ZNF528: variants seen among roughly 807,000 people sequenced by gnomAD.
ZNF528 encodes zinc finger protein 528.
In ZNF528, 9 loss-of-function variants were observed where a neutral mutation model predicts 13.3. That is an observed-to-expected ratio of 0.67 (90% confidence interval 0.41 to 1.18). The LOEUF is 1.18. ZNF528 is among the 50% of genes most tolerant of loss of function. The pLI is 0.01. For synonymous variants in ZNF528, 264 were observed against 254.3 expected, an observed-to-expected ratio of 1.04 and a Z score of -0.36; for missense variants, 858 against 745.4, an observed-to-expected ratio of 1.15 and a Z score of -1.76.
At chr19:52,408,763 C>T (rs1387102180) in intron 6 of ZNF528, among the ~76,000 whole-genome samples, 1 of 151,848 alleles carries the variant, frequency 6.6e-6, no homozygotes, top group Non-Finnish European at 1.5e-5. Flanking sequence ...AACGGGGTTT[C>T]ACCATGTTGG....
intron 6 of ZNF528, chr19:52,414,292 T>C: frequency 1.4e-6 from 1 of 702,528 alleles, no homozygotes; most frequent in Non-Finnish European, 2.6e-6. Context: ...GAGTCCCTCT[T>C]CTGGGTCACC....
rs760402107 is a variant in ZNF528 at position 52,417,749 on chromosome 19, T to C, written c.*1010T>C. ...CTTCTGCCTTAGCCTCCTAAGTAGC[T>C]GAGACTACAGACGTGCGCCACCACA... On this transcript the variant is annotated 3_prime_UTR_variant, in exon 7 of 7. Coordinates refer to ENST00000360465, the MANE Select transcript of ZNF528 (RefSeq NM_032423.3). The C allele has an allele frequency of 6.6e-6, 1 of 152,010 alleles. No individual in the cohort carries two copies. Among genetic ancestry groups the C allele is most frequent in the Non-Finnish European group, 1.5e-5 (1 of 68,082 alleles). The allele number at this position is 152,010 out of a possible 1,614,324, so 9.4% of individuals were successfully genotyped here.
Position 52,406,487 on chromosome 19 carries a change from A to G in ZNF528, c.143-28A>G. On this transcript the variant is annotated intron_variant, in intron 5 of 6. Transcript: ENST00000360465. ...GCTTGGACTTGGGAGATGCCACAGC[A>G]CACATTTATTCTTTCTTTTATAAAT... 3.7e-6 allele frequency: 6 copies of G among 1,608,022 alleles called. No homozygotes were observed. The South Asian group carries it at 5.6e-5, about 15-fold the overall frequency.
At position 52,418,222 on chromosome 19, in the gene ZNF528, C is replaced by G. The variant is rs532916826; in HGVS notation, c.*1483C>G. ...CTGGTCTCAAACTCCTGACCTCAGG[C>G]GATCCATCTGCCTCAGCCTGAAAGT... On this transcript the variant is annotated 3_prime_UTR_variant, in exon 7 of 7. Transcript: ENST00000360465. The G allele has an allele frequency of 1.3e-5, 2 of 152,056 alleles. No individual in the cohort carries two copies. Among genetic ancestry groups the G allele is most frequent in the African/African-American group, 4.8e-5 (2 of 41,400 alleles). 9.4% of individuals were successfully genotyped at this position (152,056 alleles called of 1,614,324 possible). A position where few individuals can be genotyped will look rare whatever the true frequency, so the allele number is the denominator to read the frequency against.
chr19:52,416,714 C>G lies in ZNF528; in HGVS notation c.1862C>G (p.Ala621Gly). The change falls in exon 7 of 7, where the codon GCA becomes GGA. Residue 621 changes from alanine to glycine, a missense_variant. Transcript: ENST00000360465. ...SKVFSHNSDL[A>G]QHQRVHS ...GTCTTCAGTCACAATTCTGACCTTG[C>G]ACAGCATCAGAGAGTTCATTCATGA... The G allele has an allele frequency of 6.2e-7, 1 of 1,605,634 alleles. No individual in the cohort carries two copies. The highest frequency in any genetic ancestry group is 8.5e-7 in the Non-Finnish European group (1 of 1,174,378).
At position 52,415,840 on chromosome 19, in the gene ZNF528, T is replaced by G; in HGVS notation, c.988T>G (p.Cys330Gly). The G allele has an allele frequency of 1.2e-6, 2 of 1,613,976 alleles. No homozygotes were observed. The highest frequency in any genetic ancestry group is 4.5e-5 in the East Asian group (2 of 44,878). Residue 330 changes from cysteine to glycine, a missense_variant, in exon 7 of 7, where the codon TGT becomes GGT. Coordinates refer to ENST00000360465, the MANE Select transcript of ZNF528 (RefSeq NM_032423.3). Reference sequence around the variant, plus strand: ...AGAGAAACCTTACAGTTGTAATAAATGTGGCAAGGTCTTTAGTCGCCATTC... The same window carrying G: ...AGAGAAACCTTACAGTTGTAATAAAGGTGGCAAGGTCTTTAGTCGCCATTC... ...TGEKPYSCNK[C>G]GKVFSRHSYL... is the part of the protein sequence containing the mutation.
In ZNF528 at chr19:52,416,113, A is replaced by G. The variant is rs1196019655; in HGVS notation, c.1261A>G (p.Lys421Glu). ...TCAGTGTGGCAAGATCTTTAGTCAG[A>G]AATCAGACCTTATACGACATCGAAA... The part of the protein sequence containing the change: ...CSQCGKIFSQ[K>E]SDLIRHRKTH... The change falls in exon 7 of 7, where the codon AAA becomes GAA. Residue 421 changes from lysine (K) to glutamate (E), a missense_variant. By Grantham distance (56) the Lys-to-Glu change is moderately conservative. Coordinates refer to ENST00000360465, the MANE Select transcript of ZNF528 (RefSeq NM_032423.3). 3.1e-6 allele frequency: 5 copies of G among 1,613,966 alleles called. No homozygotes were observed. Among genetic ancestry groups the G allele is most frequent in the Admixed American group, 1.7e-5 (1 of 60,006 alleles).
Position 52,415,637 on chromosome 19 carries a change from T to A in ZNF528, c.785T>A (p.Ile262Asn). 1 of 1,614,180 alleles carries A rather than the reference T, an allele frequency of 6.2e-7. No individual in the cohort carries two copies. Among genetic ancestry groups the A allele is most frequent in the Non-Finnish European group, 8.5e-7 (1 of 1,180,030 alleles). Residue 262 changes from isoleucine to asparagine, a missense_variant, in exon 7 of 7, where the codon ATT (isoleucine) becomes AAT (asparagine). By Grantham distance (149) the Ile-to-Asn change is moderately radical. Coordinates refer to ENST00000360465, the MANE Select transcript of ZNF528 (RefSeq NM_032423.3). ...SNSNLSQHQRIHTGEKPYKCH... is the reference protein window; with the variant it reads ...SNSNLSQHQRNHTGEKPYKCH... ...TCAAACCTTTCACAACATCAAAGAA[T>A]TCATACTGGAGAGAAGCCTTACAAA...
At chr19:52,404,900 A>G (rs2058836419) in intron 4 of ZNF528, among the ~76,000 whole-genome samples, 1 of 151,806 alleles carries the variant, frequency 6.6e-6, no homozygotes, top group Non-Finnish European at 1.5e-5. Context: ...CACCTGGCCA[A>G]GATTTTGACC....
chr19:52,411,262 G>A (rs1440054008), intron 6 of ZNF528: 1 of 152,114 alleles, frequency 6.6e-6, no homozygotes, highest in Non-Finnish European at 1.5e-5. Flanking sequence ...CAAGAAACAG[G>A]TTCTCTATGA....
At position 52,416,111 on chromosome 19, in the gene ZNF528, A is replaced by G; in HGVS notation, c.1259A>G (p.Gln420Arg). 1.9e-6 allele frequency: 3 copies of G among 1,614,064 alleles called. No individual in the cohort carries two copies. Among genetic ancestry groups the G allele is most frequent in the Non-Finnish European group, 1.7e-6 (2 of 1,180,026 alleles). Residue 420 changes from glutamine to arginine, a missense_variant, in exon 7 of 7, where the codon CAG becomes CGG. Physicochemically the swap from Gln to Arg is conservative, Grantham distance 43 (BLOSUM62 1). Transcript: ENST00000360465. Reference protein sequence around the residue: ...GCSQCGKIFSQKSDLIRHRKT... With the variant: ...GCSQCGKIFSRKSDLIRHRKT... Reference sequence around the variant, plus strand: ...AGTCAGTGTGGCAAGATCTTTAGTCAGAAATCAGACCTTATACGACATCGA... The same window carrying G: ...AGTCAGTGTGGCAAGATCTTTAGTCGGAAATCAGACCTTATACGACATCGA...
rs894820400 is a variant in ZNF528 at position 52,416,353 on chromosome 19, G to C, written c.1501G>C (p.Val501Leu). The change falls in exon 7 of 7, where the codon GTC becomes CTC. Residue 501 changes from valine to leucine, a missense_variant. Transcript: ENST00000360465. ...TTACAAATGTAACAGATGTGGCAAG[G>C]TCTTCAGTCGCAGTTCAAACCTGGT... The part of the protein sequence containing the change: ...KPYKCNRCGK[V>L]FSRSSNLVCH... The C allele has an allele frequency of 1.2e-6, 2 of 1,614,028 alleles. No individual in the cohort carries two copies. The highest frequency in any genetic ancestry group is 2.2e-5 in the East Asian group (1 of 44,882).
chr19:52,399,232 G>T (rs2058763565), intron 2 of ZNF528, among the ~76,000 whole-genome samples: 1 of 152,108 alleles, frequency 6.6e-6, no homozygotes, highest in Non-Finnish European at 1.5e-5. Flanking sequence ...GAAAGAGGGG[G>T]ACCCTGGTTA....
intron 2 of ZNF528, among the ~76,000 whole-genome samples, chr19:52,401,188 C>T (rs2058789509): frequency 6.6e-6 from 1 of 152,028 alleles, no homozygotes; most frequent in African/African-American, 2.4e-5. Flanking sequence ...ATGTTCTCGA[C>T]ATCTCTGCTG....
At chr19:52,400,683 C>G (rs1331161036) in intron 2 of ZNF528, among the ~76,000 whole-genome samples, 1 of 151,896 alleles carries the variant, frequency 6.6e-6, no homozygotes, top group Non-Finnish European at 1.5e-5. Flanking sequence ...CTCTGCGTGG[C>G]TGATTGAAAA....
intron 6 of ZNF528, chr19:52,411,812 T>G (rs1192479005): frequency 6.6e-6 from 1 of 152,208 alleles, no homozygotes; most frequent in Non-Finnish European, 1.5e-5. Context: ...GTTACCAAAG[T>G]TTTCATTTGT....
chr19:52,410,275 C>T (rs1416571644), intron 6 of ZNF528, among the ~76,000 whole-genome samples: 1 of 152,168 alleles, frequency 6.6e-6, no homozygotes, highest in East Asian at 1.9e-4. Flanking sequence ...CAGGGGGCTC[C>T]TTGCTTCTAA....
chr19:52,398,340 C>T (rs1255017603), intron 1 of ZNF528, 27 bp from the exon 2 acceptor site: 1 of 153,184 alleles, frequency 6.5e-6, no homozygotes, highest in East Asian at 1.9e-4. Flanking sequence ...CCTTTTTGCT[C>T]CTTAATCTGG....
In ZNF528 at chr19:52,415,675, G is replaced by A; in HGVS notation, c.823G>A (p.Asp275Asn). The A allele has an allele frequency of 1.2e-6, 2 of 1,614,160 alleles. No homozygotes were observed. The highest frequency in any genetic ancestry group is 1.7e-6 in the Non-Finnish European group (2 of 1,180,018). ...GAAGCCTTACAAATGTCATGAATGT[G>A]ACAAGGTCTTTCGAAGCAGTTCAAA... The part of the protein sequence containing the change: ...GEKPYKCHEC[D>N]KVFRSSSKLA... Residue 275 changes from aspartate (D) to asparagine (N), a missense_variant, in exon 7 of 7, where the codon GAC becomes AAC. Asp to Asn is a conservative substitution (Grantham distance 23). Coordinates refer to ENST00000360465, the MANE Select transcript of ZNF528 (RefSeq NM_032423.3).
Sources: gnomAD v4.1 joint callset for allele counts (sites outside exome capture counted in the v4.1 genomes callset) on GRCh38, gnomAD v4.1.1 for gene constraint, MANE v1.5 for transcripts, NCBI Gene and HGNC (gene_info 2026-07-23, HGNC 2026-07-21) for gene names.